SNX9: variants seen among roughly 807,000 people sequenced by gnomAD.
SNX9 encodes the protein sorting nexin 9.
Under a neutral mutation model 89.4 loss-of-function variants are expected in SNX9, and 44 were observed. The ratio of observed to expected loss-of-function variants is 0.49; its 90% confidence interval spans 0.39 to 0.63. SNX9 has a LOEUF of 0.63. SNX9 is among the 30% of genes least tolerant of loss of function. The probability of loss-of-function intolerance (pLI) is 0.00; values close to 1 mark genes in which losing one functional copy is unlikely to be tolerated. For synonymous variants in SNX9, 236 were observed against 247.8 expected (o/e 0.95, Z 0.45); for missense variants, 578 against 736.1 (o/e 0.79, Z 2.49).
At chr6:157,877,652 C>T (rs374198632) in intron 4 of SNX9, among the ~76,000 whole-genome samples, 1 of 152,146 alleles carries the variant, frequency 6.6e-6, no homozygotes, top group African/African-American at 2.4e-5. Flanking sequence ...GCTTGGGAGG[C>T]TCTGATTGCC....
chr6:157,894,779 T>G (rs1469663356), intron 4 of SNX9, among the ~76,000 whole-genome samples: 1 of 152,242 alleles, frequency 6.6e-6, no homozygotes, highest in African/African-American at 2.4e-5. Context: ...AAAAGCAATT[T>G]GACAAAATCC....
chr6:157,925,255 C>T (rs1432454535), intron 10 of SNX9, among the ~76,000 whole-genome samples: 1 of 150,814 alleles, frequency 6.6e-6, no homozygotes, highest in African/African-American at 2.5e-5. Context: ...AGAAAAGTAC[C>T]TAATCTCATT....
intron 4 of SNX9, among the ~76,000 whole-genome samples, chr6:157,888,888 G>C (rs1030180081): frequency 2.0e-5 from 3 of 152,170 alleles, no homozygotes; most frequent in Non-Finnish European, 4.4e-5. Flanking sequence ...CCCACGGGCA[G>C]TGAGATCTAA....
At chr6:157,869,849 C>A (rs909761939) in intron 2 of SNX9, among the ~76,000 whole-genome samples, 4 of 151,422 alleles carry the variant, frequency 2.6e-5, no homozygotes, top group Non-Finnish European at 5.9e-5. Flanking sequence ...TTATGCATAC[C>A]CCCACACACA....
intron 1 of SNX9, among the ~76,000 whole-genome samples, chr6:157,839,107 A>T (rs994179804): frequency 3.3e-4 from 51 of 152,326 alleles, no homozygotes; most frequent in South Asian, 1.4e-3. Flanking sequence ...TCGGTTAATA[A>T]AATACAGGTT....
At chr6:157,846,155 A>T (rs942034516) in intron 1 of SNX9, among the ~76,000 whole-genome samples, 3 of 152,340 alleles carry the variant, frequency 2.0e-5, no homozygotes, top group African/African-American at 7.2e-5. Context: ...CCCCTCTGTC[A>T]GCTGCTGTTA....
rs897268911 is a variant in SNX9 at position 157,852,195 on chromosome 6, G to A, written c.13-15352G>A. On this transcript the variant is annotated intron_variant, in intron 1 of 17. Transcript: ENST00000392185. Reference sequence around the variant, plus strand: ...AGGAACTGCCAAACTGTTTTCTACCGTGGCTGTACCATTTTATATTCCCAC... The same window carrying A: ...AGGAACTGCCAAACTGTTTTCTACCATGGCTGTACCATTTTATATTCCCAC... Among the ~76,000 whole-genome samples the A allele has an allele frequency of 6.3e-4, 96 of 152,098 alleles. 1 individual carries two copies. The highest frequency in any genetic ancestry group is 3.7e-4 in the Non-Finnish European group (25 of 68,024).
At chr6:157,932,726 G>A (rs1015463527) in intron 13 of SNX9, among the ~76,000 whole-genome samples, 2 of 151,702 alleles carry the variant, frequency 1.3e-5, no homozygotes, top group Admixed American at 1.3e-4. Context: ...AATTAGCCAC[G>A]TGTGGTGGTG....
Position 157,901,996 on chromosome 6 carries a change from C to T in SNX9, c.571C>T (p.Arg191Ter), listed in dbSNP as rs748983226. The T allele has an allele frequency of 1.9e-6, 3 of 1,613,708 alleles. No individual in the cohort carries two copies. The highest frequency in any genetic ancestry group is 2.2e-5 in the East Asian group (1 of 44,870). Residue 191 changes from arginine (R) to a stop codon, truncating the protein, a stop_gained, in exon 6 of 18, where the codon CGA (arginine) becomes TGA (stop). Coordinates refer to ENST00000392185, the MANE Select transcript of SNX9 (RefSeq NM_016224.5). LOFTEE classifies it high-confidence loss of function. ...SESADAGGAQ[R>*]GNSRASSSSM... ...GTCAGCTGATGCAGGCGGCGCTCAG[C>T]GAGGAAACAGTCGTGCTAGTTCCTC...
At chr6:157,900,238 A>G (rs1194118810) in intron 5 of SNX9, among the ~76,000 whole-genome samples, 1 of 152,144 alleles carries the variant, frequency 6.6e-6, no homozygotes, top group Non-Finnish European at 1.5e-5. Flanking sequence ...GCATTTTCAT[A>G]TACCTCTTGG....
At chr6:157,904,645 G>A (rs963076663) in intron 6 of SNX9, among the ~76,000 whole-genome samples, 1 of 152,084 alleles carries the variant, frequency 6.6e-6, no homozygotes, top group Non-Finnish European at 1.5e-5. Flanking sequence ...AGGAGGTGGA[G>A]GTTACAGTGA....
chr6:157,880,672 C>T (rs1225267590), intron 4 of SNX9, among the ~76,000 whole-genome samples: 5 of 152,212 alleles, frequency 3.3e-5, no homozygotes, highest in African/African-American at 1.2e-4. Flanking sequence ...GAGAGGCGTG[C>T]TCTGCATCCT....
At chr6:157,922,475 A>G (rs1783602739) in intron 10 of SNX9, among the ~76,000 whole-genome samples, 1 of 152,268 alleles carries the variant, frequency 6.6e-6, no homozygotes, top group South Asian at 2.1e-4. Flanking sequence ...ATGAAATAAT[A>G]GAATATCATA....
At chr6:157,877,698 C>T (rs937576613) in intron 4 of SNX9, among the ~76,000 whole-genome samples, 58 of 152,098 alleles carry the variant, frequency 3.8e-4, no homozygotes, top group African/African-American at 1.4e-3. Context: ...GTTTTGAGAG[C>T]GGGAACCTCA....
In SNX9 at chr6:157,942,999, G is replaced by A. The variant is rs140954846; in HGVS notation, c.*161G>A. ...TTATTTTATTAGCCACCCTAAATGC[G>A]TCAGTTATTTAGGGATGGTCTTTTG... On this transcript the variant is annotated 3_prime_UTR_variant, in exon 18 of 18. Transcript: ENST00000392185. 4.2e-5 allele frequency: 25 copies of A among 599,802 alleles called. No individual in the cohort carries two copies. The highest frequency in any genetic ancestry group is 1.5e-4 in the South Asian group (6 of 39,508). 37.2% of individuals were successfully genotyped at this position (599,802 alleles called of 1,614,324 possible). A position where few individuals can be genotyped will look rare whatever the true frequency, so the allele number is the denominator to read the frequency against.
intron 14 of SNX9, among the ~76,000 whole-genome samples, chr6:157,936,654 C>T (rs576674032): frequency 2.0e-5 from 3 of 152,164 alleles, no homozygotes; most frequent in Non-Finnish European, 4.4e-5. Context: ...GCTGTGGTTT[C>T]CTTATCTGTT....
intron 1 of SNX9, among the ~76,000 whole-genome samples, chr6:157,833,095 T>A (rs1475024030): frequency 1.3e-5 from 2 of 152,228 alleles, no homozygotes; most frequent in Non-Finnish European, 2.9e-5. Flanking sequence ...TGAATTGGTG[T>A]ATTTAAAATG....
At chr6:157,937,338 A>T (rs1424870696) in intron 14 of SNX9, 96 bp from the exon 15 acceptor site, 10 of 794,330 alleles carry the variant, frequency 1.3e-5, no homozygotes, top group Non-Finnish European at 2.1e-5. Context: ...TTAGTGTAGC[A>T]CATGCAGGAT....
chr6:157,890,410 G>A (rs753056466), intron 4 of SNX9, among the ~76,000 whole-genome samples: 2 of 152,190 alleles, frequency 1.3e-5, no homozygotes, highest in Non-Finnish European at 2.9e-5. Flanking sequence ...TGTCAAGCCT[G>A]CATAAATATA....
Sources: allele counts gnomAD v4.1 joint callset (sites outside exome capture counted in the v4.1 genomes callset), GRCh38; gene constraint gnomAD v4.1.1; transcripts MANE v1.5; gene names NCBI Gene and HGNC (gene_info 2026-07-23, HGNC 2026-07-21).